Variants in PADI6 observed in about 807,000 individuals in gnomAD.
PADI6 encodes peptidyl arginine deiminase 6.
Under a neutral mutation model 78.2 loss-of-function variants are expected in PADI6, and 66 were observed. The ratio of observed to expected loss-of-function variants is 0.84; its 90% CI spans 0.69 to 1.04. The LOEUF (loss-of-function observed/expected upper bound fraction) is 1.04. PADI6 is among the 50% of genes least tolerant of loss of function. PADI6 has a pLI of 0.00. For missense variants in PADI6, 854 were observed against 866.1 expected (o/e 0.99, Z 0.18); for synonymous variants, 397 against 346.9 (o/e 1.14, Z -1.60).
At chr1:17,383,618 C>T (rs921876545) in intron 6 of PADI6, among the ~76,000 whole-genome samples, 2 of 152,214 alleles carry the variant, frequency 1.3e-5, no homozygotes, top group Admixed American at 6.5e-5. Context: ...GAGGCTGAGG[C>T]AGATGGATCA....
At chr1:17,397,225 AGGG>A (rs2075255949) in intron 14 of PADI6, 84 bp downstream of exon 14, 7 of 1,487,712 alleles carry the variant, frequency 4.7e-6, no homozygotes, top group Non-Finnish European at 5.6e-6. Context: ...ACCCCTCCTG[AGGG>A]GTGAAGTGTT....
At chr1:17,388,313 C>T in intron 6 of PADI6, 68 bp from the exon 7 acceptor site, 1 of 1,414,874 alleles carries the variant, frequency 7.1e-7, no homozygotes, top group Non-Finnish European at 9.6e-7. Flanking sequence ...GAGCTGGTAC[C>T]TTGACCATCA....
chr1:17,400,363 C>G (rs555984179), intron 15 of PADI6, among the ~76,000 whole-genome samples: 2 of 151,610 alleles, frequency 1.3e-5, no homozygotes, highest in East Asian at 2.0e-4. Flanking sequence ...CAAAATTAGC[C>G]AGGTGTAGTG....
At chr1:17,399,191 G>A (rs1450126199) in intron 15 of PADI6, among the ~76,000 whole-genome samples, 1 of 152,224 alleles carries the variant, frequency 6.6e-6, no homozygotes, top group African/African-American at 2.4e-5. Flanking sequence ...AGGTTGCCGC[G>A]CATCTGCCAG....
Position 17,389,014 on chromosome 1 carries a change from G to A in PADI6, c.962+134G>A, listed in dbSNP as rs1408106429. ...GAGTTGAAACCCTTCTGTCTGAGCT[G>A]TCTGGACCTGCCCCAAGACAGTCCA... On this transcript the variant is annotated intron_variant, in intron 8 of 15. Coordinates refer to ENST00000619609, the MANE Select transcript of PADI6 (RefSeq NM_207421.4). 3.3e-5 allele frequency: 22 copies of A among 675,986 alleles called. No homozygotes were observed. In the Middle Eastern group the frequency reaches 1.2e-3, roughly 37 times the overall value. The allele number at this position is 675,986 out of a possible 1,614,324, so 41.9% of individuals were successfully genotyped here.
At position 17,394,460 on chromosome 1, in the gene PADI6, C is replaced by T; in HGVS notation, c.1337+6C>T. The T allele has an allele frequency of 6.2e-7, 1 of 1,611,402 alleles. No individual in the cohort carries two copies. Among genetic ancestry groups the T allele is most frequent in the South Asian group, 1.1e-5 (1 of 90,814 alleles). ...GGCAGCAGCTTTTACCCCAGGTGAG[C>T]CACAAAGCCAGACGCCTCCAAATGA... On this transcript the variant is annotated splice_donor_region_variant and intron_variant, in intron 11 of 15. Transcript: ENST00000619609.
intron 1 of PADI6, 34 bp downstream of exon 1, chr1:17,372,395 GCAGA>G (rs779164557): frequency 1.3e-6 from 2 of 1,591,078 alleles, no homozygotes; most frequent in South Asian, 1.1e-5. Flanking sequence ...GAGGTGGCAG[GCAGA>G]CAGGCAGGCA....
chr1:17,390,998 C>A (rs1298762131), intron 8 of PADI6, among the ~76,000 whole-genome samples: 56 of 152,172 alleles, frequency 3.7e-4, no homozygotes. Flanking sequence ...GCTGGTAGCT[C>A]CCTGTGGCTT....
At chr1:17,400,366 G>T (rs973228947) in intron 15 of PADI6, among the ~76,000 whole-genome samples, 1 of 152,084 alleles carries the variant, frequency 6.6e-6, no homozygotes, top group African/African-American at 2.4e-5. Flanking sequence ...AATTAGCCAG[G>T]TGTAGTGGTG....
Position 17,391,208 on chromosome 1 carries a change from G to C in PADI6, c.963-906G>C, listed in dbSNP as rs1039748191. ...TTTTGAGGACCTGTTTGTTCCGTTT[G>C]TTTAAGATAATTTATTATTTTTTCT... On this transcript the variant is annotated intron_variant, in intron 8 of 15. Transcript: ENST00000619609. Among the ~76,000 whole-genome samples the C allele has an allele frequency of 8.0e-5, 8 of 99,650 alleles. No homozygotes were observed. The South Asian group carries it at 2.4e-3, about 29-fold the overall frequency. 65.4% of individuals were successfully genotyped at this position (99,650 alleles called of 152,430 possible).
chr1:17,372,985 C>T (rs1450778189), intron 1 of PADI6, 71 bp from the exon 2 acceptor site: 6 of 1,498,458 alleles, frequency 4.0e-6, no homozygotes, highest in Non-Finnish European at 5.5e-6. Context: ...CGTCCCCTCC[C>T]CCATGCCAGT....
chr1:17,397,250 G>A, intron 14 of PADI6, 109 bp downstream of exon 14: 1 of 1,186,178 alleles, frequency 8.4e-7, no homozygotes, highest in Non-Finnish European at 1.2e-6. Flanking sequence ...GGCGGCGGGG[G>A]GCAGCTGCCT....
chr1:17,400,278 C>T lies in PADI6; in HGVS notation c.1852-927C>T, dbSNP rs551738765. Among the ~76,000 whole-genome samples the T allele has an allele frequency of 4.0e-5, 6 of 151,644 alleles. No individual in the cohort carries two copies. The South Asian group carries it at 1.3e-3, about 32-fold the overall frequency. Reference sequence around the variant, plus strand: ...CCTGTAATCCCAGCACTTTGGGAGGCCCAGGCAGGCAGATCACTTGAGGTC... The same window carrying T: ...CCTGTAATCCCAGCACTTTGGGAGGTCCAGGCAGGCAGATCACTTGAGGTC... On this transcript the variant is annotated intron_variant, in intron 15 of 15. Transcript: ENST00000619609.
chr1:17,401,571 C>G lies in PADI6; in HGVS notation c.*133C>G, dbSNP rs184555964. ...AGAACCCTTTCTTCCCTGTCTGCCC[C>G]GACCGACCCTCGGACCCAGTAGGAT... On this transcript the variant is annotated 3_prime_UTR_variant, in exon 16 of 16. Coordinates refer to ENST00000619609, the MANE Select transcript of PADI6 (RefSeq NM_207421.4). The G allele has an allele frequency of 2.4e-6, 2 of 847,578 alleles. No homozygotes were observed. The highest frequency in any genetic ancestry group is 2.8e-5 in the Admixed American group (1 of 36,018). 52.5% of individuals were successfully genotyped at this position (847,578 alleles called of 1,614,324 possible). A position where few individuals can be genotyped will look rare whatever the true frequency, so the allele number is the denominator to read the frequency against.
rs146221823 is a variant in PADI6 at position 17,400,510 on chromosome 1, T to TTTTG, written c.1852-683_1852-680dup. Among the ~76,000 whole-genome samples, 710 of 149,540 alleles carry TTTTG rather than the reference T, an allele frequency of 4.7e-3. 6 individuals are homozygous for TTTTG. Among genetic ancestry groups the TTTTG allele is most frequent in the Middle Eastern group, 6.8e-3 (2 of 292 alleles). The stretch of plus-strand genomic sequence containing the variant: ...CAACAAGAGCAAAACTGTTTTGTTT[T>TTTTG]TTTGTTTGTTTGTTTTTGTTTTTTA... On this transcript the variant is annotated intron_variant, in intron 15 of 15. Transcript: ENST00000619609.
intron 13 of PADI6, among the ~76,000 whole-genome samples, chr1:17,396,586 A>G (rs892724602): frequency 6.6e-5 from 10 of 152,194 alleles, no homozygotes; most frequent in African/African-American, 2.2e-4. Context: ...TAGAAGCACC[A>G]TGGAAGGTGA....
In PADI6 at chr1:17,398,962, G is replaced by A. The variant is rs1012696987; in HGVS notation, c.1851+115G>A. The A allele has an allele frequency of 9.5e-6, 11 of 1,153,052 alleles. No individual in the cohort carries two copies. The East Asian group carries it at 2.0e-4, about 21-fold the overall frequency. 71.4% of individuals were successfully genotyped at this position (1,153,052 alleles called of 1,614,324 possible). On this transcript the variant is annotated intron_variant, in intron 15 of 15. Coordinates refer to ENST00000619609, the MANE Select transcript of PADI6 (RefSeq NM_207421.4). ...GGACAGCAGATAACGGTACCTATGA[G>A]GAAATGGGAGGGAGACCCCTTCTCC...
In PADI6 at chr1:17,381,114, T is replaced by C. The variant is rs1229160816; in HGVS notation, c.503T>C (p.Val168Ala). Reference protein sequence around the residue: ...ILLVNCNPADVGQQLEDKKTK... With the variant: ...ILLVNCNPADAGQQLEDKKTK... ...CTTGTGAATTGCAACCCTGCTGATG[T>C]GGGCCAGCAACTTGAGGACAAGAAA... Residue 168 changes from valine to alanine, a missense_variant, in exon 5 of 16, where the codon GTG becomes GCG. Coordinates refer to ENST00000619609, the MANE Select transcript of PADI6 (RefSeq NM_207421.4). The C allele has an allele frequency of 6.2e-7, 1 of 1,610,256 alleles. No homozygotes were observed.
intron 3 of PADI6, among the ~76,000 whole-genome samples, chr1:17,376,521 T>C (rs1354262060): frequency 2.0e-5 from 3 of 150,206 alleles, no homozygotes; most frequent in African/African-American, 7.4e-5. Context: ...GCTAATTTTT[T>C]TTATTTTTAG....
Sources: allele counts gnomAD v4.1 joint callset (sites outside exome capture counted in the v4.1 genomes callset), GRCh38; gene constraint gnomAD v4.1.1; transcripts MANE v1.5; gene names NCBI Gene and HGNC (gene_info 2026-07-23, HGNC 2026-07-21).